Variants in GAS7 observed in about 807,000 individuals in gnomAD.
GAS7 encodes the protein growth arrest specific 7, also known as growth arrest-specific protein 7.
A neutral mutation model predicts 71.1 loss-of-function variants in GAS7; 28 were observed. That is an observed-to-expected ratio of 0.39 (90% confidence interval 0.29 to 0.54). The LOEUF is 0.54. GAS7 is among the 20% of genes least tolerant of loss of function. The pLI, the probability that GAS7 is intolerant of heterozygous loss-of-function variation, is 0.62. For missense variants in GAS7, 436 were observed against 627.8 expected (o/e 0.69, Z 3.27); for synonymous variants, 258 against 245.8 (o/e 1.05, Z -0.46).
rs546805480 is a variant in GAS7 at position 9,915,545 on chromosome 17, G to A, written c.*1683C>T. ...TCAAGAACAAGAGAAAAGTGACAAC[G>A]TTTGGTTTACTTTAGTATATTAGGC... On this transcript the variant is annotated 3_prime_UTR_variant, in exon 14 of 14. Coordinates refer to ENST00000432992, the MANE Select transcript of GAS7 (RefSeq NM_201433.2). 3 of 225,478 alleles carry A rather than the reference G, an allele frequency of 1.3e-5. No individual in the cohort carries two copies. Among genetic ancestry groups the A allele is most frequent in the Non-Finnish European group, 2.7e-5 (3 of 113,206 alleles). The allele number at this position is 225,478 out of a possible 1,614,324, so 14.0% of individuals were successfully genotyped here.
intron 1 of GAS7, among the ~76,000 whole-genome samples, chr17:10,162,066 CAAAA>C (rs58368044): frequency 2.9e-5 from 3 of 103,616 alleles, no homozygotes; most frequent in East Asian, 5.3e-4. Context: ...GACTCCATCT[CAAAA>C]AAAAAAAAAA....
intron 8 of GAS7, among the ~76,000 whole-genome samples, chr17:9,935,356 C>G (rs2068362102): frequency 6.6e-6 from 1 of 152,212 alleles, no homozygotes; most frequent in Non-Finnish European, 1.5e-5. Context: ...TAAGACTTGC[C>G]AATGCAGGCC....
In GAS7 at chr17:10,034,747, C is replaced by T. The variant is rs1567559964; in HGVS notation, c.184-14850G>A. On this transcript the variant is annotated intron_variant, in intron 1 of 13. Coordinates refer to ENST00000432992, the MANE Select transcript of GAS7 (RefSeq NM_201433.2). The surrounding 1 kb of genome is among the most constrained non-coding windows in gnomAD (Gnocchi z 4.4). ...GACTGTTCCTGAAACGTGGGCTGTG[C>T]CCCAAACACCAAGGATCCTGCCTTA... Among the ~76,000 whole-genome samples, 3 of 152,188 alleles carry T rather than the reference C, an allele frequency of 2.0e-5. No homozygotes were observed. The highest frequency in any genetic ancestry group is 7.2e-5 in the African/African-American group (3 of 41,436).
chr17:10,182,679 G>C (rs867159570), intron 1 of GAS7, among the ~76,000 whole-genome samples: 2 of 152,152 alleles, frequency 1.3e-5, no homozygotes, highest in Admixed American at 6.5e-5. Flanking sequence ...GCAAGGACCT[G>C]AGAGTTCCAT....
intron 5 of GAS7, among the ~76,000 whole-genome samples, chr17:9,957,353 C>A (rs896057262): frequency 1.3e-5 from 2 of 152,130 alleles, no homozygotes; most frequent in African/African-American, 4.8e-5. Flanking sequence ...CAGGGATGGG[C>A]GAGGTGTGCT....
chr17:10,190,232 T>C (rs969784105), intron 1 of GAS7, among the ~76,000 whole-genome samples: 2 of 152,144 alleles, frequency 1.3e-5, no homozygotes, highest in Admixed American at 1.3e-4. Flanking sequence ...CAGCCTAAAA[T>C]GTTTCCTGGC....
chr17:9,954,869 G>A (rs1395849656), intron 5 of GAS7, among the ~76,000 whole-genome samples: 1 of 152,160 alleles, frequency 6.6e-6, no homozygotes, highest in East Asian at 1.9e-4. Flanking sequence ...GATGGAAGAT[G>A]GAAGAACAGT....
At chr17:9,995,791 T>C (rs1318602014) in intron 2 of GAS7, among the ~76,000 whole-genome samples, 3 of 152,178 alleles carry the variant, frequency 2.0e-5, no homozygotes, top group East Asian at 1.9e-4. Flanking sequence ...AATGTAAGTA[T>C]GAAGGTATTT....
intron 1 of GAS7, among the ~76,000 whole-genome samples, chr17:10,032,475 G>A (rs894328198): frequency 1.3e-5 from 2 of 152,208 alleles, no homozygotes; most frequent in Non-Finnish European, 2.9e-5. Flanking sequence ...AAGAGGTGCT[G>A]TGTTCCCAGA....
intron 1 of GAS7, among the ~76,000 whole-genome samples, chr17:10,083,342 C>T (rs2073478405): frequency 1.3e-5 from 2 of 152,152 alleles, no homozygotes; most frequent in South Asian, 2.1e-4. Flanking sequence ...GCGTGGCCAA[C>T]ATGGTAAAAC....
At chr17:9,977,620 T>C (rs1276378785) in intron 3 of GAS7, among the ~76,000 whole-genome samples, 1 of 152,074 alleles carries the variant, frequency 6.6e-6, no homozygotes, top group Non-Finnish European at 1.5e-5. Context: ...GTAAAGCTAC[T>C]GAATAAACAC....
chr17:10,126,673 C>T (rs575274185), intron 1 of GAS7, among the ~76,000 whole-genome samples: 1 of 152,312 alleles, frequency 6.6e-6, no homozygotes, highest in African/African-American at 2.4e-5. Flanking sequence ...TCCTCCTGCT[C>T]CTGAGAAGTG....
chr17:9,959,289 G>A lies in GAS7; in HGVS notation c.472-34C>T. The A allele has an allele frequency of 1.9e-6, 3 of 1,613,978 alleles. No homozygotes were observed. Among genetic ancestry groups the A allele is most frequent in the Non-Finnish European group, 2.5e-6 (3 of 1,179,886 alleles). ...AGAGGCAAGAAACATCGTCAAAGCT[G>A]TTCTCCATATTGGACATTTTTTCCC... On this transcript the variant is annotated intron_variant, in intron 4 of 13. Coordinates refer to ENST00000432992, the MANE Select transcript of GAS7 (RefSeq NM_201433.2). This position sits in a 1 kb window ranked among gnomAD's most constrained non-coding sequence, Gnocchi z 5.0.
At chr17:10,078,037 TTTG>T (rs766282002) in intron 1 of GAS7, among the ~76,000 whole-genome samples, 28 of 148,424 alleles carry the variant, frequency 1.9e-4, no homozygotes, top group African/African-American at 3.0e-4. Flanking sequence ...CATGCGGAAG[TTTG>T]TTGTTTTTTC....
chr17:10,028,662 C>T lies in GAS7; in HGVS notation c.184-8765G>A, dbSNP rs3760502. 9.1e-3 allele frequency among the ~76,000 whole-genome samples: 1,276 copies of T among 140,028 alleles called. 40 individuals are homozygous for T. In the East Asian group the frequency reaches 0.12, roughly 13 times the overall value. The allele number at this position is 140,028 out of a possible 152,430, so 91.9% of individuals were successfully genotyped here. Reference sequence around the variant, plus strand: ...AGAACAAAAACTCATAAGAAGAGAACAAAACAAGGCAAGTTGGTTTGAAAA... The same window carrying T: ...AGAACAAAAACTCATAAGAAGAGAATAAAACAAGGCAAGTTGGTTTGAAAA... On this transcript the variant is annotated intron_variant, in intron 1 of 13. Transcript: ENST00000432992.
At chr17:10,043,924 C>A (rs1055168687) in intron 1 of GAS7, among the ~76,000 whole-genome samples, 5 of 152,130 alleles carry the variant, frequency 3.3e-5, no homozygotes, top group Non-Finnish European at 5.9e-5. Flanking sequence ...CAGAGTGAGA[C>A]CCTGTCTCTA....
intron 1 of GAS7, among the ~76,000 whole-genome samples, chr17:10,078,154 C>T (rs944752243): frequency 6.6e-6 from 1 of 151,924 alleles, no homozygotes; most frequent in Non-Finnish European, 1.5e-5. Context: ...TACAGTGGTG[C>T]AATCACAGCT....
intron 3 of GAS7, among the ~76,000 whole-genome samples, chr17:9,973,592 A>T (rs1341275045): frequency 6.6e-6 from 1 of 152,244 alleles, no homozygotes; most frequent in East Asian, 1.9e-4. Context: ...CATATGACTT[A>T]TAATTCTGTA....
At chr17:9,968,738 T>TA (rs762487065) in intron 4 of GAS7, among the ~76,000 whole-genome samples, 8 of 152,234 alleles carry the variant, frequency 5.3e-5, no homozygotes, top group African/African-American at 9.6e-5. Flanking sequence ...ATTTTTTCCT[T>TA]ATGTTAAGTA....
Sources: allele counts gnomAD v4.1 joint callset (sites outside exome capture counted in the v4.1 genomes callset), GRCh38; gene constraint gnomAD v4.1.1; non-coding constraint Gnocchi (gnomAD v3.1); transcripts MANE v1.5; gene names NCBI Gene and HGNC (gene_info 2026-07-23, HGNC 2026-07-21).